AXDND1: variants seen among roughly 807,000 people sequenced by gnomAD.
AXDND1 encodes the protein axonemal dynein light chain domain-containing protein 1.
AXDND1 carries 110 observed loss-of-function variants against 137.5 expected under a neutral mutation model. The ratio of observed to expected loss-of-function variants is 0.80; its 90% CI spans 0.69 to 0.94. The LOEUF (loss-of-function observed/expected upper bound fraction) is 0.94, where lower values mean the gene tolerates loss of function less well. Ranked by LOEUF, AXDND1 falls within the 40% of genes least tolerant of loss-of-function variation. The pLI, the probability that AXDND1 is intolerant of heterozygous loss-of-function variation, is 0.00. For missense variants in AXDND1, 1,191 were observed against 1,169.8 expected (o/e 1.02, Z -0.26); for synonymous variants, 414 against 399.7 (o/e 1.04, Z -0.43).
intron 12 of AXDND1, among the ~76,000 whole-genome samples, chr1:179,414,694 G>A (rs1004254387): frequency 2.0e-5 from 3 of 152,024 alleles, no homozygotes; most frequent in African/African-American, 7.2e-5. Flanking sequence ...CAAAGTGCTG[G>A]GATTACAAGT....
chr1:179,405,170 G>T (rs1485998375), intron 11 of AXDND1, among the ~76,000 whole-genome samples: 1 of 152,082 alleles, frequency 6.6e-6, no homozygotes, highest in Admixed American at 6.6e-5. Context: ...AGAACATGCG[G>T]TGTTCGGTTT....
intron 16 of AXDND1, among the ~76,000 whole-genome samples, chr1:179,466,043 G>A (rs1214697022): frequency 6.6e-6 from 1 of 152,136 alleles, no homozygotes; most frequent in African/African-American, 2.4e-5. Flanking sequence ...GGCTAGGAGA[G>A]GGAAGTCCCT....
rs1662015125 is a variant in AXDND1, at chr1:179,459,879, TTTCTC to T, written c.1799-8561_1799-8557del. Reference sequence around the variant, plus strand: ...CCTTTCTTTCCTTCCTTTCTTTTCTTTTCTCTTTTCTTTTCTTTCTTTCATTCCTT... The same window carrying T: ...CCTTTCTTTCCTTCCTTTCTTTTCTTTTTTCTTTTCTTTCTTTCATTCCTT... On this transcript the variant is annotated intron_variant, in intron 16 of 25. Coordinates refer to ENST00000367618, the MANE Select transcript of AXDND1 (RefSeq NM_144696.6). Among the ~76,000 whole-genome samples, 3 of 142,972 alleles carry T rather than the reference TTTCTC, an allele frequency of 2.1e-5. No individual in the cohort carries two copies. The Admixed American group carries it at 2.1e-4, about 10-fold the overall frequency. The allele number at this position is 142,972 out of a possible 152,430, so 93.8% of individuals were successfully genotyped here.
At chr1:179,369,088 A>G in intron 3 of AXDND1, 116 bp downstream of exon 3, 1 of 1,083,784 alleles carries the variant, frequency 9.2e-7, no homozygotes, top group Non-Finnish European at 1.3e-6. Context: ...AAATTTTAAG[A>G]TTGATTGAGA....
chr1:179,411,298 CT>C lies in AXDND1; in HGVS notation c.1230+38del. ...TCATCTGGATTCACAACTCACACTT[CT>C]TTTTTGGCTAAAGATTCATTCTACA... On this transcript the variant is annotated intron_variant, in intron 12 of 25. Transcript: ENST00000367618. 2.5e-6 allele frequency: 4 copies of C among 1,594,346 alleles called. No homozygotes were observed. In the South Asian group the frequency reaches 3.5e-5, roughly 14 times the overall value.
chr1:179,479,003 G>A (rs1375358868), intron 17 of AXDND1, among the ~76,000 whole-genome samples: 4 of 152,098 alleles, frequency 2.6e-5, no homozygotes, highest in African/African-American at 7.2e-5. Flanking sequence ...AGGAGGCCAA[G>A]ACAGGAGAAT....
At chr1:179,483,056 T>C in intron 17 of AXDND1, 72 bp from the exon 18 acceptor site, 1 of 1,029,128 alleles carries the variant, frequency 9.7e-7, no homozygotes, top group Non-Finnish European at 1.4e-6. Flanking sequence ...TAAAACTCTT[T>C]CTCATAGCTG....
chr1:179,391,111 CT>C (rs11284261), intron 9 of AXDND1, among the ~76,000 whole-genome samples: 62,894 of 127,614 alleles, frequency 0.49, 14,074 homozygotes, highest in East Asian at 0.71. Flanking sequence ...CAGACTTCTT[CT>C]TTTTTTTTTT....
chr1:179,466,840 C>G (rs983152135), intron 16 of AXDND1, among the ~76,000 whole-genome samples: 1 of 152,112 alleles, frequency 6.6e-6, no homozygotes, highest in Non-Finnish European at 1.5e-5. Context: ...TTTATTCTGG[C>G]AGGTCATTTA....
intron 15 of AXDND1, among the ~76,000 whole-genome samples, chr1:179,435,826 A>G (rs571742343): frequency 5.9e-5 from 9 of 152,360 alleles, no homozygotes; most frequent in African/African-American, 7.2e-5. Flanking sequence ...ACAAAAACCA[A>G]AATTGACAAA....
chr1:179,549,831 T>A (rs1673027830), intron 25 of AXDND1, among the ~76,000 whole-genome samples: 1 of 152,138 alleles, frequency 6.6e-6, no homozygotes, highest in Non-Finnish European at 1.5e-5. Context: ...CCATTGACCC[T>A]TTAAATGGGC....
rs747615095 is a variant in AXDND1 at position 179,534,968 on chromosome 1, G to A, written c.3031+6G>A. On this transcript the variant is annotated splice_donor_region_variant and intron_variant, in intron 25 of 25. Coordinates refer to ENST00000367618, the MANE Select transcript of AXDND1 (RefSeq NM_144696.6). ...CTCAAAATCTCCAAAGAAAGGTAAG[G>A]ATTGCTTCGTATTTTGCTTTATTCA... The A allele has an allele frequency of 6.2e-7, 1 of 1,606,880 alleles. No individual in the cohort carries two copies. Among genetic ancestry groups the A allele is most frequent in the Non-Finnish European group, 8.5e-7 (1 of 1,178,294 alleles).
chr1:179,430,688 T>C (rs1184010905), intron 14 of AXDND1, 82 bp downstream of exon 14: 38 of 1,420,150 alleles, frequency 2.7e-5, no homozygotes, highest in Non-Finnish European at 3.5e-5. Flanking sequence ...TCCTTCTGTC[T>C]TTTACCTTGT....
chr1:179,374,038 G>A (rs1287288311), intron 4 of AXDND1, among the ~76,000 whole-genome samples: 2 of 152,092 alleles, frequency 1.3e-5, no homozygotes, highest in African/African-American at 4.8e-5. Flanking sequence ...AGAGTGAACA[G>A]GCAACCTACA....
chr1:179,515,694 C>T (rs998131609), intron 21 of AXDND1, among the ~76,000 whole-genome samples: 5 of 152,030 alleles, frequency 3.3e-5, no homozygotes, highest in African/African-American at 1.2e-4. Context: ...TTCTTTTCTT[C>T]CTCAGGAACA....
rs17369441 is a variant in AXDND1, at chr1:179,491,671, C to G, written c.2225C>G (p.Ala742Gly). The G allele has an allele frequency of 1.2e-6, 2 of 1,611,444 alleles. No homozygotes were observed. Among genetic ancestry groups the G allele is most frequent in the Non-Finnish European group, 1.7e-6 (2 of 1,178,994 alleles). Reference protein sequence around the residue: ...ESAEKHDIGVARLELDAIELT... With the variant: ...ESAEKHDIGVGRLELDAIELT... ...GCTGAGAAACATGATATAGGAGTTGCGCGATTGGAGCTAGATGCGATTGAA... is the reference window on the plus strand; with the variant it reads ...GCTGAGAAACATGATATAGGAGTTGGGCGATTGGAGCTAGATGCGATTGAA... The change falls in exon 19 of 26, where the codon GCG becomes GGG. Residue 742 changes from alanine to glycine, a missense_variant. Transcript: ENST00000367618.
At chr1:179,374,496 C>T (rs991141566) in intron 4 of AXDND1, among the ~76,000 whole-genome samples, 1 of 152,118 alleles carries the variant, frequency 6.6e-6, no homozygotes, top group East Asian at 1.9e-4. Context: ...AAGGATTATA[C>T]ATCATGCTAC....
intron 25 of AXDND1, chr1:179,543,653 C>G (rs533414084): frequency 6.6e-6 from 1 of 152,204 alleles, no homozygotes; most frequent in South Asian, 2.1e-4. Context: ...CGGTTGTGTA[C>G]AAGAGGGAAG....
At chr1:179,445,691 C>G (rs1212298588) in intron 16 of AXDND1, among the ~76,000 whole-genome samples, 1 of 152,120 alleles carries the variant, frequency 6.6e-6, no homozygotes. Flanking sequence ...CAGTACTTCA[C>G]CCATTTTTAT....
Sources: allele counts gnomAD v4.1 joint callset (sites outside exome capture counted in the v4.1 genomes callset), GRCh38; gene constraint gnomAD v4.1.1; transcripts MANE v1.5; gene names NCBI Gene and HGNC (gene_info 2026-07-23, HGNC 2026-07-21).